The following KIAA1549L variants were observed in gnomAD, a reference collection of about 807,000 sequenced individuals.
KIAA1549L encodes UPF0606 protein KIAA1549L.
In KIAA1549L, 88 loss-of-function variants were observed where a neutral mutation model predicts 160.7. The observed-to-expected ratio is 0.55, with a 90% CI of 0.46 to 0.65. The LOEUF (loss-of-function observed/expected upper bound fraction) is 0.65, where lower values mean the gene tolerates loss of function less well. Among genes scored for constraint, KIAA1549L ranks in the 30% least tolerant of loss-of-function variants. The pLI is 0.00. For synonymous variants in KIAA1549L, 950 were observed against 976.7 expected (o/e 0.97, Z 0.51); for missense variants, 2,258 against 2,437.5 (o/e 0.93, Z 1.55).
At chr11:33,517,007 C>T (rs1017400824) in intron 1 of KIAA1549L, among the ~76,000 whole-genome samples, 27 of 152,226 alleles carry the variant, frequency 1.8e-4, no homozygotes, top group African/African-American at 6.5e-4. Context: ...GTCGCATCTT[C>T]AATTCACGTT....
chr11:33,579,034 C>T (rs1321130028), intron 10 of KIAA1549L, among the ~76,000 whole-genome samples: 2 of 152,280 alleles, frequency 1.3e-5, no homozygotes, highest in African/African-American at 2.4e-5. Context: ...TAGGAGACAC[C>T]ATAGCACTTG....
At chr11:33,446,083 GC>G (rs1851605085) in intron 1 of KIAA1549L, among the ~76,000 whole-genome samples, 1 of 150,338 alleles carries the variant, frequency 6.7e-6, no homozygotes, top group East Asian at 1.9e-4. Context: ...GACATGGAGG[GC>G]AAAAGTCCTG....
intron 1 of KIAA1549L, among the ~76,000 whole-genome samples, chr11:33,439,932 A>G (rs996069590): frequency 3.2e-4 from 48 of 152,048 alleles, no homozygotes; most frequent in African/African-American, 9.9e-4. Context: ...CTTTTAAACT[A>G]TATTCTGAGA....
At chr11:33,611,304 TG>T (rs34232545) in intron 15 of KIAA1549L, among the ~76,000 whole-genome samples, 54,288 of 151,958 alleles carry the variant, frequency 0.36, 10,077 homozygotes, top group Middle Eastern at 0.5. Flanking sequence ...CTCCACAGAC[TG>T]GGGAGCCATA....
intron 1 of KIAA1549L, among the ~76,000 whole-genome samples, chr11:33,499,992 C>A (rs1423296939): frequency 6.6e-6 from 1 of 152,184 alleles, no homozygotes; most frequent in African/African-American, 2.4e-5. Context: ...GCATCCTACC[C>A]TTCTTCTTTC....
At chr11:33,459,262 G>C (rs940422199) in intron 1 of KIAA1549L, among the ~76,000 whole-genome samples, 2 of 152,170 alleles carry the variant, frequency 1.3e-5, no homozygotes, top group African/African-American at 4.8e-5. Flanking sequence ...ATTTTGATCT[G>C]TACTCTGAGA....
chr11:33,601,266 T>A (rs966100583), intron 13 of KIAA1549L, among the ~76,000 whole-genome samples: 2 of 152,114 alleles, frequency 1.3e-5, no homozygotes, highest in Non-Finnish European at 2.9e-5. Flanking sequence ...TTCCGTAAGG[T>A]TTTAGGTTTG....
At chr11:33,583,531 G>A (rs777055466) in intron 11 of KIAA1549L, 30 bp downstream of exon 11, 4 of 1,551,842 alleles carry the variant, frequency 2.6e-6, no homozygotes, top group Non-Finnish European at 2.6e-6. Context: ...AGAGGGGCAG[G>A]AGGACAGGCC....
intron 11 of KIAA1549L, among the ~76,000 whole-genome samples, chr11:33,583,810 G>A (rs1038402279): frequency 6.6e-6 from 1 of 152,224 alleles, no homozygotes. Context: ...AAGCTAAAGA[G>A]ACATGAAAGG....
chr11:33,583,618 C>A (rs1242601854), intron 11 of KIAA1549L, 117 bp downstream of exon 11: 1 of 935,792 alleles, frequency 1.1e-6, no homozygotes, highest in Non-Finnish European at 1.6e-6. Context: ...AGGGCAGGTC[C>A]TCATTTTGAA....
chr11:33,603,518 C>T (rs1850416943), intron 13 of KIAA1549L, among the ~76,000 whole-genome samples: 1 of 152,012 alleles, frequency 6.6e-6, no homozygotes, highest in Admixed American at 6.6e-5. Flanking sequence ...TCAAGAAGGC[C>T]ACTGTGGGCC....
intron 1 of KIAA1549L, among the ~76,000 whole-genome samples, chr11:33,468,949 G>T (rs1333257916): frequency 6.6e-6 from 1 of 152,130 alleles, no homozygotes; most frequent in East Asian, 1.9e-4. Context: ...TACAATAATG[G>T]ACTCAGGACT....
chr11:33,488,877 C>T (rs532619402), intron 1 of KIAA1549L, among the ~76,000 whole-genome samples: 2 of 152,298 alleles, frequency 1.3e-5, no homozygotes, highest in East Asian at 1.9e-4. Context: ...ACCCAGTTTG[C>T]ATGCAACAGT....
At chr11:33,530,889 G>T (rs1265005866) in intron 1 of KIAA1549L, among the ~76,000 whole-genome samples, 1 of 152,134 alleles carries the variant, frequency 6.6e-6, no homozygotes, top group African/African-American at 2.4e-5. Flanking sequence ...AAATGATTTT[G>T]TTATGTTAAA....
chr11:33,469,232 T>C (rs963501762), intron 1 of KIAA1549L, among the ~76,000 whole-genome samples: 1 of 152,184 alleles, frequency 6.6e-6, no homozygotes, highest in African/African-American at 2.4e-5. Flanking sequence ...CTACCTTCTG[T>C]CTCTGTGGAT....
At chr11:33,574,638 C>G (rs1015838347) in intron 9 of KIAA1549L, 64 bp from the exon 10 acceptor site, 2 of 1,481,366 alleles carry the variant, frequency 1.4e-6, no homozygotes, top group African/African-American at 1.4e-5. Context: ...CTGCTGATCA[C>G]CTGGGTGATT....
At chr11:33,498,896 C>T (rs1482907578) in intron 1 of KIAA1549L, among the ~76,000 whole-genome samples, 1 of 152,188 alleles carries the variant, frequency 6.6e-6, no homozygotes, top group East Asian at 1.9e-4. Context: ...TAGATTTCTT[C>T]TTACGTTAGC....
chr11:33,622,984 G>A (rs752768182), intron 16 of KIAA1549L, among the ~76,000 whole-genome samples: 7 of 152,310 alleles, frequency 4.6e-5, no homozygotes, highest in East Asian at 3.9e-4. Flanking sequence ...GAATTGAAAC[G>A]GTTGTTTTGA....
intron 1 of KIAA1549L, among the ~76,000 whole-genome samples, chr11:33,532,362 A>G (rs575955171): frequency 3.9e-5 from 6 of 152,328 alleles, no homozygotes; most frequent in Admixed American, 1.3e-4. Flanking sequence ...GATGGCATCT[A>G]TGCCTAGCCT....
Sources: allele counts gnomAD v4.1 joint callset (sites outside exome capture counted in the v4.1 genomes callset), GRCh38; gene constraint gnomAD v4.1.1; transcripts MANE v1.5; gene names NCBI Gene and HGNC (gene_info 2026-07-23, HGNC 2026-07-21).